The following HMGB1 variants were observed in gnomAD, a reference collection of about 807,000 sequenced individuals.
HMGB1 encodes the protein high mobility group box 1.
For synonymous variants in HMGB1, 81 were observed against 84.0 expected (o/e 0.96, Z 0.19); for missense variants, 79 against 253.5 (o/e 0.31, Z 4.67).
intron 1 of HMGB1, among the ~76,000 whole-genome samples, chr13:30,568,805 T>C (rs1870303686): frequency 6.6e-6 from 1 of 152,186 alleles, no homozygotes; most frequent in Non-Finnish European, 1.5e-5. Flanking sequence ...AATCAATTTC[T>C]GTTGTTTTAA....
intron 1 of HMGB1, among the ~76,000 whole-genome samples, chr13:30,549,587 G>A (rs1011302236): frequency 1.3e-5 from 2 of 152,034 alleles, no homozygotes; most frequent in East Asian, 1.9e-4. Flanking sequence ...TAGGGACAGG[G>A]CTTCACTATG....
chr13:30,521,988 A>C (rs747690638), intron 1 of HMGB1, among the ~76,000 whole-genome samples: 1 of 152,238 alleles, frequency 6.6e-6, no homozygotes, highest in Non-Finnish European at 1.5e-5. Flanking sequence ...TTCTCATTTG[A>C]TCCTTGCAAC....
intron 1 of HMGB1, among the ~76,000 whole-genome samples, chr13:30,604,739 G>T (rs1950438454): frequency 6.6e-6 from 1 of 152,126 alleles, no homozygotes; most frequent in Non-Finnish European, 1.5e-5. Flanking sequence ...CTCACTGCAA[G>T]CTCTGCCTCC....
rs1426162105 is a variant in HMGB1 at position 30,460,011 on chromosome 13, G to A, written c.*1346C>T. On this transcript the variant is annotated 3_prime_UTR_variant, in exon 5 of 5. Transcript: ENST00000341423. Reference sequence around the variant, plus strand: ...CAAAAGCGTGTAAAATTACAAGAACGCTATTTTAAAATACTGGCACTTTAA... The same window carrying A: ...CAAAAGCGTGTAAAATTACAAGAACACTATTTTAAAATACTGGCACTTTAA... 6.6e-6 allele frequency: 1 copy of A among 152,596 alleles called. No individual in the cohort carries two copies. The highest frequency in any genetic ancestry group is 2.1e-4 in the South Asian group (1 of 4,830). 9.5% of individuals were successfully genotyped at this position (152,596 alleles called of 1,614,324 possible). A position where few individuals can be genotyped will look rare whatever the true frequency, so the allele number is the denominator to read the frequency against.
chr13:30,545,991 C>T (rs1042137778), intron 1 of HMGB1, among the ~76,000 whole-genome samples: 5 of 152,178 alleles, frequency 3.3e-5, no homozygotes, highest in African/African-American at 9.7e-5. Context: ...TATGAGCCAC[C>T]ACGTGCAGCC....
chr13:30,522,252 G>A (rs9508772), intron 1 of HMGB1, among the ~76,000 whole-genome samples: 142,737 of 152,026 alleles, frequency 0.94, 67,087 homozygotes, highest in East Asian at 1. Flanking sequence ...AGCTGGGACC[G>A]CAGGTAGATG....
chr13:30,586,576 C>T (rs573874214), intron 1 of HMGB1, among the ~76,000 whole-genome samples: 1 of 147,186 alleles, frequency 6.8e-6, no homozygotes, highest in Non-Finnish European at 1.5e-5. Flanking sequence ...CAAGTTCCAC[C>T]TCCTGGGCTC....
In HMGB1 at chr13:30,465,929, G is replaced by T. The variant is rs1886764936; in HGVS notation, c.-148C>A. ...GCAGCCTCCTCACTCTCTCCGCTCTGTAACATTACTCTCCAGCCAGCGCGG... is the reference window on the plus strand; with the variant it reads ...GCAGCCTCCTCACTCTCTCCGCTCTTTAACATTACTCTCCAGCCAGCGCGG... On this transcript the variant is annotated 5_prime_UTR_variant, in exon 1 of 5. Transcript: ENST00000341423. The T allele has an allele frequency of 1.0e-6, 1 of 986,004 alleles. No homozygotes were observed. The highest frequency in any genetic ancestry group is 4.7e-5 in the South Asian group (1 of 21,294). The allele number at this position is 986,004 out of a possible 1,614,324, so 61.1% of individuals were successfully genotyped here. A position where few individuals can be genotyped will look rare whatever the true frequency, so the allele number is the denominator to read the frequency against.
intron 1 of HMGB1, among the ~76,000 whole-genome samples, chr13:30,578,231 C>T (rs1486318742): frequency 6.6e-6 from 1 of 151,798 alleles, no homozygotes; most frequent in Non-Finnish European, 1.5e-5. Context: ...GGTTATGAAC[C>T]CATCTTTGCT....
At chr13:30,590,729 T>C (rs888078928) in intron 1 of HMGB1, among the ~76,000 whole-genome samples, 2 of 152,146 alleles carry the variant, frequency 1.3e-5, no homozygotes, top group Non-Finnish European at 2.9e-5. Flanking sequence ...TAGGAGGTAA[T>C]TTGGTTTTGA....
At chr13:30,506,874 A>C (rs1471725698) in intron 1 of HMGB1, among the ~76,000 whole-genome samples, 1 of 151,898 alleles carries the variant, frequency 6.6e-6, no homozygotes, top group Non-Finnish European at 1.5e-5. Context: ...TATTTCTCCC[A>C]CACCCCTAGT....
intron 1 of HMGB1, among the ~76,000 whole-genome samples, chr13:30,601,007 AAAT>A (rs1390838171): frequency 1.3e-5 from 2 of 152,172 alleles, no homozygotes; most frequent in Non-Finnish European, 2.9e-5. Context: ...AAAGAAGTAA[AAAT>A]AACCTTAACT....
rs1003610716 is a variant in HMGB1 at position 30,457,608 on chromosome 13, T to A, written c.*3749A>T. On this transcript the variant is annotated 3_prime_UTR_variant, in exon 5 of 5. Coordinates refer to ENST00000341423, the MANE Select transcript of HMGB1 (RefSeq NM_002128.7). Reference sequence around the variant, plus strand: ...TAGAAGGTCCAAACCAATGCACATGTCTAAAGTCATCTAGCATTTCTTCCT... The same window carrying A: ...TAGAAGGTCCAAACCAATGCACATGACTAAAGTCATCTAGCATTTCTTCCT... The A allele has an allele frequency of 1.3e-5, 2 of 152,206 alleles. No individual in the cohort carries two copies. The highest frequency in any genetic ancestry group is 4.8e-5 in the African/African-American group (2 of 41,440). The allele number at this position is 152,206 out of a possible 1,614,324, so 9.4% of individuals were successfully genotyped here. A position where few individuals can be genotyped will look rare whatever the true frequency, so the allele number is the denominator to read the frequency against.
intron 1 of HMGB1, among the ~76,000 whole-genome samples, chr13:30,576,972 C>A (rs1024822153): frequency 5.3e-5 from 8 of 152,118 alleles, no homozygotes; most frequent in African/African-American, 1.4e-4. Context: ...TATTTAGAGA[C>A]GTGACCTCTA....
At chr13:30,589,486 A>G (rs1438142465) in intron 1 of HMGB1, among the ~76,000 whole-genome samples, 1 of 152,204 alleles carries the variant, frequency 6.6e-6, no homozygotes, top group East Asian at 1.9e-4. Flanking sequence ...TTAGGAGGTG[A>G]AATTTCAAAA....
rs1886061098 is a variant in HMGB1 at position 30,457,981 on chromosome 13, A to T, written c.*3376T>A. The T allele has an allele frequency of 6.6e-6, 1 of 152,258 alleles. No homozygotes were observed. Among genetic ancestry groups the T allele is most frequent in the Non-Finnish European group, 1.5e-5 (1 of 68,050 alleles). 9.4% of individuals were successfully genotyped at this position (152,258 alleles called of 1,614,324 possible). On this transcript the variant is annotated 3_prime_UTR_variant, in exon 5 of 5. Coordinates refer to ENST00000341423, the MANE Select transcript of HMGB1 (RefSeq NM_002128.7). ...GGGTCATTTGAAAATGACACAAAGC[A>T]CAAATATGAAAAGAAATTCAAATAT...
chr13:30,481,356 G>C (rs746439160), intron 1 of HMGB1, among the ~76,000 whole-genome samples: 1 of 152,074 alleles, frequency 6.6e-6, no homozygotes, highest in Non-Finnish European at 1.5e-5. Context: ...GCTGGAGAGC[G>C]GAAGCCAATG....
intron 1 of HMGB1, among the ~76,000 whole-genome samples, chr13:30,538,784 T>TCTTTTTCTTTCTTC (rs1868712986): frequency 4.8e-5 from 3 of 62,000 alleles, no homozygotes; most frequent in Admixed American, 4.5e-4. Flanking sequence ...TTTCCTTCTT[T>TCTTTTTCTTTCTTC]CTTTTTCTTT....
chr13:30,506,194 C>T (rs1887862707), intron 1 of HMGB1, among the ~76,000 whole-genome samples: 1 of 152,136 alleles, frequency 6.6e-6, no homozygotes, highest in East Asian at 1.9e-4. Context: ...GGGACCTGAA[C>T]AGGTATTAGT....
Sources: gnomAD v4.1 joint callset for allele counts (sites outside exome capture counted in the v4.1 genomes callset) on GRCh38, gnomAD v4.1.1 for gene constraint, MANE v1.5 for transcripts, NCBI Gene and HGNC (gene_info 2026-07-23, HGNC 2026-07-21) for gene names.